The following DPP10 variants were observed in gnomAD, a reference collection of about 807,000 sequenced individuals.
The protein encoded by DPP10 is inactive dipeptidyl peptidase 10.
A neutral mutation model predicts 120.9 loss-of-function variants in DPP10; 33 were observed. The ratio of observed to expected loss-of-function variants is 0.27; its 90% CI spans 0.21 to 0.37. The LOEUF is 0.37. Among genes scored for constraint, DPP10 ranks in the 10% least tolerant of loss-of-function variants. DPP10 has a pLI of 1.00. For missense variants in DPP10, 816 were observed against 942.8 expected (o/e 0.87, Z 1.76); for synonymous variants, 337 against 326.1 (o/e 1.03, Z -0.36).
intron 1 of DPP10, among the ~76,000 whole-genome samples, chr2:114,792,993 TGTG>T (rs1558746776): frequency 3.8e-5 from 1 of 26,306 alleles, no homozygotes; most frequent in Non-Finnish European, 1.3e-4. Context: ...TGTATTATTG[TGTG>T]TGTGTGTGTG....
At chr2:115,528,914 A>T (rs191517120) in intron 5 of DPP10, among the ~76,000 whole-genome samples, 1 of 152,132 alleles carries the variant, frequency 6.6e-6, no homozygotes, top group Admixed American at 6.6e-5. Flanking sequence ...ATCTTTGTGG[A>T]GATAGAAATG....
At chr2:115,377,857 A>G (rs1320451725) in intron 3 of DPP10, among the ~76,000 whole-genome samples, 2 of 152,130 alleles carry the variant, frequency 1.3e-5, no homozygotes. Context: ...AAGATCAGAT[A>G]GTTGCAGATA....
intron 3 of DPP10, among the ~76,000 whole-genome samples, chr2:115,428,668 G>A (rs1467532105): frequency 6.6e-6 from 1 of 152,144 alleles, no homozygotes; most frequent in Non-Finnish European, 1.5e-5. Context: ...CGCCTCCAAC[G>A]TTGGTGATGT....
intron 5 of DPP10, among the ~76,000 whole-genome samples, chr2:115,660,641 TTCTC>T (rs1453887011): frequency 1.4e-5 from 2 of 145,584 alleles, no homozygotes; most frequent in South Asian, 2.2e-4. Flanking sequence ...CTTCCTTTCA[TTCTC>T]TCTGTCTGGC....
At chr2:115,313,473 G>A (rs2061665378) in intron 2 of DPP10, among the ~76,000 whole-genome samples, 1 of 152,102 alleles carries the variant, frequency 6.6e-6, no homozygotes, top group Non-Finnish European at 1.5e-5. Flanking sequence ...AATATGGTGG[G>A]CTCTTTCACT....
At chr2:114,701,993 G>A (rs770556681) in intron 1 of DPP10, among the ~76,000 whole-genome samples, 5 of 152,112 alleles carry the variant, frequency 3.3e-5, no homozygotes, top group Non-Finnish European at 5.9e-5. Context: ...ATAGCCACTA[G>A]AGGAAGGGGG....
chr2:115,510,439 C>T (rs930821706), intron 4 of DPP10, among the ~76,000 whole-genome samples: 1 of 151,954 alleles, frequency 6.6e-6, no homozygotes, highest in Non-Finnish European at 1.5e-5. Context: ...AATTTTGGCA[C>T]CCTTCTCAAA....
chr2:115,068,274 G>A (rs7586622), intron 1 of DPP10, among the ~76,000 whole-genome samples: 147,925 of 152,014 alleles, frequency 0.97, 72,108 homozygotes, highest in Middle Eastern at 1. Context: ...CATTCTAACA[G>A]GTGTGAGGTT....
At chr2:115,040,611 A>C (rs1367849644) in intron 1 of DPP10, among the ~76,000 whole-genome samples, 1 of 151,810 alleles carries the variant, frequency 6.6e-6, no homozygotes, top group Non-Finnish European at 1.5e-5. Context: ...TCTCATGTCA[A>C]ATTGTAATCC....
At chr2:115,454,265 C>T (rs994358698) in intron 3 of DPP10, among the ~76,000 whole-genome samples, 3 of 151,488 alleles carry the variant, frequency 2.0e-5, no homozygotes, top group Non-Finnish European at 3.0e-5. Context: ...GGAAACACAA[C>T]CAAACAGATA....
intron 5 of DPP10, among the ~76,000 whole-genome samples, chr2:115,621,865 A>G (rs893302251): frequency 6.6e-6 from 1 of 151,968 alleles, no homozygotes; most frequent in African/African-American, 2.4e-5. Flanking sequence ...TTTGGTAAAG[A>G]CAAGGTTTCT....
chr2:114,638,194 T>C (rs1695440638), intron 1 of DPP10, among the ~76,000 whole-genome samples: 2 of 151,790 alleles, frequency 1.3e-5, no homozygotes, highest in Admixed American at 1.3e-4. Context: ...AGATCCTTCA[T>C]CTCCTTGGTT....
At chr2:115,043,272 G>C (rs1473521661) in intron 1 of DPP10, among the ~76,000 whole-genome samples, 5 of 152,246 alleles carry the variant, frequency 3.3e-5, no homozygotes, top group Non-Finnish European at 7.3e-5. Flanking sequence ...TAGAAATGAT[G>C]CATCATCACC....
At chr2:114,664,876 T>TAGAGCATCCAAAAGATGGCAG (rs1558982627) in intron 1 of DPP10, among the ~76,000 whole-genome samples, 1 of 143,086 alleles carries the variant, frequency 7.0e-6, no homozygotes, top group Admixed American at 6.9e-5. Flanking sequence ...AAAGATGGCA[T>TAGAGCATCCAAAAGATGGCAG]AGAGCATCCA....
In DPP10 at chr2:114,899,875, G is replaced by A. The variant is rs567797606; in HGVS notation, c.61-409364G>A. Among the ~76,000 whole-genome samples the A allele has an allele frequency of 2.2e-3, 334 of 152,332 alleles. 1 individual carries two copies. Among genetic ancestry groups the A allele is most frequent in the African/African-American group, 7.7e-3 (320 of 41,574 alleles). ...CTCGGGAGGCTGAGGCAGGAGAATG[G>A]CGTGAACCCGGGAGGTGGAGCTGGC... On this transcript the variant is annotated intron_variant, in intron 1 of 25. Coordinates refer to ENST00000410059, the MANE Select transcript of DPP10 (RefSeq NM_020868.6).
At chr2:114,940,069 G>A (rs1013808249) in intron 1 of DPP10, among the ~76,000 whole-genome samples, 3 of 152,038 alleles carry the variant, frequency 2.0e-5, no homozygotes, top group Admixed American at 1.3e-4. Flanking sequence ...TATGTATTCT[G>A]CCAACTTCTT....
At chr2:115,656,322 A>T (rs1412054297) in intron 5 of DPP10, among the ~76,000 whole-genome samples, 1 of 151,640 alleles carries the variant, frequency 6.6e-6, no homozygotes, top group Non-Finnish European at 1.5e-5. Flanking sequence ...TAAGACAGAG[A>T]TGGATTGTGA....
intron 4 of DPP10, among the ~76,000 whole-genome samples, chr2:115,525,456 A>C (rs559062980): frequency 6.6e-6 from 1 of 152,216 alleles, no homozygotes; most frequent in Non-Finnish European, 1.5e-5. Flanking sequence ...CTTTAATGTT[A>C]GTATCTTTTT....
rs1212601132 is a variant in DPP10, at chr2:114,819,667, A to G, written c.60+376829A>G. The stretch of plus-strand genomic sequence containing the variant: ...AAAATATTCTTAAGCAGGGATATCA[A>G]TTGCATAATTTCCTAGACCTTGCAG... On this transcript the variant is annotated intron_variant, in intron 1 of 25. Coordinates refer to ENST00000410059, the MANE Select transcript of DPP10 (RefSeq NM_020868.6). Among the ~76,000 whole-genome samples the G allele has an allele frequency of 1.5e-4, 23 of 152,218 alleles. 1 individual carries two copies. The highest frequency in any genetic ancestry group is 1.5e-3 in the Admixed American group (23 of 15,270).
Sources: allele counts gnomAD v4.1 joint callset (sites outside exome capture counted in the v4.1 genomes callset), GRCh38; gene constraint gnomAD v4.1.1; transcripts MANE v1.5; gene names NCBI Gene and HGNC (gene_info 2026-07-23, HGNC 2026-07-21).